Variants in TEKTL1 observed in about 807,000 individuals in gnomAD.
TEKTL1 encodes the protein tektin like 1, also known as tektin-like protein 1.
At chr19:15,014,738 C>CGGGGGGAGGG in the TEKTL1 span, among the ~76,000 whole-genome samples, 475 of 29,796 alleles carry the variant, frequency 0.016, 19 homozygotes, top group African/African-American at 0.058. Context: ...GGGCGGGGGG[C>CGGGGGGAGGG]GGGGGCTGCT....
the TEKTL1 span, chr19:15,021,590 A>G: frequency 6.2e-7 from 1 of 1,613,474 alleles, no homozygotes; most frequent in South Asian, 1.1e-5. Context: ...AGCCAGCGTG[A>G]TCCCCCTGCG....
chr19:15,014,501 G>A, the TEKTL1 span, among the ~76,000 whole-genome samples: 9 of 152,006 alleles, frequency 5.9e-5, no homozygotes, highest in South Asian at 1.9e-3. Flanking sequence ...CCTATTGTGA[G>A]ATTGAAGTCT....
the TEKTL1 span, chr19:15,021,285 A>C: frequency 6.3e-7 from 1 of 1,579,254 alleles, no homozygotes; most frequent in Non-Finnish European, 8.6e-7. Context: ...ACCTGAGAAT[A>C]GAGAGAGGGA....
At chr19:15,020,639 C>T in the TEKTL1 span, 3 of 1,613,322 alleles carry the variant, frequency 1.9e-6, no homozygotes, top group African/African-American at 4.0e-5. Flanking sequence ...CCTCCAGACC[C>T]TGTGGGCACC....
chr19:15,021,576 TG>T, the TEKTL1 span: 8 of 1,613,468 alleles, frequency 5.0e-6, no homozygotes, highest in Non-Finnish European at 6.8e-6. Flanking sequence ...AGACGCGGAC[TG>T]GGAGCCAGCG....
the TEKTL1 span, chr19:15,020,779 G>A: frequency 7.5e-6 from 6 of 804,816 alleles, no homozygotes; most frequent in Non-Finnish European, 9.8e-6. Flanking sequence ...TCAATGGGAG[G>A]ACTGAAAGCC....
the TEKTL1 span, among the ~76,000 whole-genome samples, chr19:15,013,972 C>G: frequency 6.6e-6 from 1 of 152,132 alleles, no homozygotes; most frequent in Non-Finnish European, 1.5e-5. Context: ...AGAATAACAA[C>G]GAACAACCAC....
At chr19:15,014,742 G>GGGGGGGGGGC in the TEKTL1 span, among the ~76,000 whole-genome samples, 2 of 125,572 alleles carry the variant, frequency 1.6e-5, no homozygotes, top group African/African-American at 6.3e-5. Flanking sequence ...GGGGGGCGGG[G>GGGGGGGGGGC]GCTGCTGAAA....
chr19:15,020,394 A>G, the TEKTL1 span: 2 of 1,367,168 alleles, frequency 1.5e-6, no homozygotes, highest in South Asian at 2.5e-5. Context: ...CAGCAGAGAA[A>G]TCACTTGCAT....
chr19:15,015,892 C>T, the TEKTL1 span, among the ~76,000 whole-genome samples: 9 of 152,118 alleles, frequency 5.9e-5, no homozygotes, highest in Non-Finnish European at 1.2e-4. Context: ...ATCTACATGC[C>T]CCTCTAGATA....
At chr19:15,010,912 G>A in the TEKTL1 span, 2 of 1,574,340 alleles carry the variant, frequency 1.3e-6, no homozygotes, top group Middle Eastern at 1.7e-4. Flanking sequence ...AGGCCATGGC[G>A]AGGACCGCGC....
chr19:15,016,250 C>T, the TEKTL1 span, among the ~76,000 whole-genome samples: 5 of 131,158 alleles, frequency 3.8e-5, no homozygotes, highest in East Asian at 4.7e-4. Flanking sequence ...AGTGGCGTGG[C>T]GTGATCGCAG....
At chr19:15,015,864 A>G in the TEKTL1 span, among the ~76,000 whole-genome samples, 2 of 152,162 alleles carry the variant, frequency 1.3e-5, no homozygotes, top group Admixed American at 6.5e-5. Flanking sequence ...TACTACAATA[A>G]AAAGCCCACC....
chr19:15,020,539 C>CA, the TEKTL1 span: 1 of 1,613,970 alleles, frequency 6.2e-7, no homozygotes, highest in Admixed American at 1.7e-5. Context: ...GAACCAGCCT[C>CA]TGGACAAGGT....
chr19:15,022,997 G>C, the TEKTL1 span: 2 of 1,613,158 alleles, frequency 1.2e-6, no homozygotes, highest in South Asian at 2.2e-5. Context: ...GGACGGCAAC[G>C]TGGTGCGCCT....
the TEKTL1 span, among the ~76,000 whole-genome samples, chr19:15,019,054 C>T: frequency 6.6e-6 from 1 of 151,786 alleles, no homozygotes; most frequent in Non-Finnish European, 1.5e-5. Flanking sequence ...GCTCAGGTGA[C>T]CCCCCCACCT....
At chr19:15,018,715 A>AATATATATATATATATATAT in the TEKTL1 span, among the ~76,000 whole-genome samples, 6,110 of 67,944 alleles carry the variant, frequency 0.09, 1,550 homozygotes, top group East Asian at 0.25. Flanking sequence ...CCTATCTCAA[A>AATATATATATATATATATAT]ATATGTATAT....
At chr19:15,019,102 T>C in the TEKTL1 span, among the ~76,000 whole-genome samples, 1 of 152,006 alleles carries the variant, frequency 6.6e-6, no homozygotes, top group Non-Finnish European at 1.5e-5. Context: ...ACGTGAATCA[T>C]CACACCTTGC....
chr19:15,021,670 A>C, the TEKTL1 span: 1 of 1,614,102 alleles, frequency 6.2e-7, no homozygotes, highest in Non-Finnish European at 8.5e-7. Flanking sequence ...CCGGTGTACG[A>C]AATATAACCA....
Sources: allele counts gnomAD v4.1 joint callset (sites outside exome capture counted in the v4.1 genomes callset), GRCh38; gene constraint gnomAD v4.1.1; transcripts MANE v1.5; gene names NCBI Gene and HGNC (gene_info 2026-07-23, HGNC 2026-07-21).